NAALADL2: variants seen among roughly 807,000 people sequenced by gnomAD.
The protein encoded by NAALADL2 is N-acetylated alpha-linked acidic dipeptidase like 2, also known as inactive N-acetylated-alpha-linked acidic dipeptidase-like protein 2.
Under a neutral mutation model 87.2 loss-of-function variants are expected in NAALADL2, and 76 were observed. The observed-to-expected ratio is 0.87, with a 90% CI of 0.72 to 1.05. The LOEUF (loss-of-function observed/expected upper bound fraction) is 1.05. NAALADL2 is among the 50% of genes least tolerant of loss of function. The pLI is 0.00. For synonymous variants in NAALADL2, 354 were observed against 331.0 expected (o/e 1.07, Z -0.75); for missense variants, 1,089 against 945.8 (o/e 1.15, Z -1.99).
chr3:175,703,662 G>A (rs1365761052), intron 11 of NAALADL2, among the ~76,000 whole-genome samples: 1 of 152,140 alleles, frequency 6.6e-6, no homozygotes, highest in Non-Finnish European at 1.5e-5. Flanking sequence ...AGAATCGCTT[G>A]AACCTGGGAG....
In NAALADL2 at chr3:175,408,586, A is replaced by G. The variant is rs373207929; in HGVS notation, c.1091-38643A>G. Among the ~76,000 whole-genome samples, 19 of 152,170 alleles carry G rather than the reference A, an allele frequency of 1.2e-4. No homozygotes were observed. The East Asian group carries it at 1.7e-3, about 14-fold the overall frequency. On this transcript the variant is annotated intron_variant, in intron 5 of 13. Coordinates refer to ENST00000454872, the MANE Select transcript of NAALADL2 (RefSeq NM_207015.3). ...GCACCTGATAAAATTTCAAAAGAAT[A>G]AAGAAACTGAGATTGTATATAATGT...
intron 10 of NAALADL2, among the ~76,000 whole-genome samples, chr3:175,595,156 C>A (rs1722078221): frequency 6.6e-6 from 1 of 152,078 alleles, no homozygotes; most frequent in Non-Finnish European, 1.5e-5. Context: ...ATGAATCTAT[C>A]TTAAGTAAAT....
At chr3:175,707,634 T>G (rs1026563770) in intron 11 of NAALADL2, among the ~76,000 whole-genome samples, 4 of 152,134 alleles carry the variant, frequency 2.6e-5, no homozygotes, top group Non-Finnish European at 5.9e-5. Flanking sequence ...AATCTCAATT[T>G]CTTTATATGT....
chr3:175,562,935 T>C (rs1716502972), intron 9 of NAALADL2, among the ~76,000 whole-genome samples: 1 of 139,104 alleles, frequency 7.2e-6, no homozygotes, highest in African/African-American at 2.5e-5. Flanking sequence ...TAGAAAGGAT[T>C]GTCAAAAATA....
chr3:175,634,996 G>A (rs1037349553), intron 11 of NAALADL2, among the ~76,000 whole-genome samples: 3 of 151,998 alleles, frequency 2.0e-5, no homozygotes, highest in African/African-American at 7.2e-5. Context: ...GCTACTCAAG[G>A]GAGATAGTAG....
intron 5 of NAALADL2, among the ~76,000 whole-genome samples, chr3:175,368,047 T>A (rs1048831660): frequency 4.6e-4 from 70 of 152,290 alleles, no homozygotes; most frequent in African/African-American, 1.6e-3. Flanking sequence ...CCTAATTTAT[T>A]GAGAGTTTTT....
At chr3:175,058,331 T>A (rs2109062055) in intron 1 of NAALADL2, among the ~76,000 whole-genome samples, 1 of 152,348 alleles carries the variant, frequency 6.6e-6, no homozygotes, top group Non-Finnish European at 1.5e-5. Flanking sequence ...TTAAGTCATT[T>A]AATTTATTAA....
intron 2 of NAALADL2, among the ~76,000 whole-genome samples, chr3:175,208,616 A>G (rs142857002): frequency 6.6e-6 from 1 of 152,174 alleles, no homozygotes; most frequent in African/African-American, 2.4e-5. Flanking sequence ...CGTTGAATAT[A>G]ATGCTTCTGT....
intron 2 of NAALADL2, among the ~76,000 whole-genome samples, chr3:175,137,319 G>T (rs1250767384): frequency 1.3e-5 from 2 of 151,900 alleles, no homozygotes; most frequent in African/African-American, 4.8e-5. Flanking sequence ...ATTTTAACCA[G>T]TTTATTTAAC....
At chr3:175,065,945 T>C (rs987189098) in intron 1 of NAALADL2, among the ~76,000 whole-genome samples, 5 of 152,202 alleles carry the variant, frequency 3.3e-5, no homozygotes, top group African/African-American at 1.2e-4. Flanking sequence ...CACATAACGG[T>C]ATTCGGTCTT....
intron 2 of NAALADL2, among the ~76,000 whole-genome samples, chr3:175,162,984 C>T (rs1463300773): frequency 6.6e-6 from 1 of 152,050 alleles, no homozygotes; most frequent in African/African-American, 2.4e-5. Context: ...TAGCCTGGAA[C>T]TAATCATTTC....
chr3:175,491,872 T>G (rs7612257), intron 9 of NAALADL2, among the ~76,000 whole-genome samples: 15,599 of 152,188 alleles, frequency 0.1, 1,007 homozygotes, highest in African/African-American at 0.17. Flanking sequence ...GAAAAAAGAC[T>G]GAGAATCACC....
chr3:175,130,524 G>A (rs1248952893), intron 2 of NAALADL2, among the ~76,000 whole-genome samples: 1 of 152,172 alleles, frequency 6.6e-6, no homozygotes, highest in Non-Finnish European at 1.5e-5. Flanking sequence ...TTGGTACGTG[G>A]TGTAAGACAA....
chr3:174,950,261 G>A (rs1035663006), intron 1 of NAALADL2, among the ~76,000 whole-genome samples: 4 of 151,878 alleles, frequency 2.6e-5, no homozygotes, highest in African/African-American at 9.7e-5. Context: ...TGAATTGAGA[G>A]TAGGGAGTAG....
chr3:174,720,144 T>A lies in NAALADL2; in HGVS notation c.-114-17497T>A, dbSNP rs553698562. Among the ~76,000 whole-genome samples, 9 of 152,258 alleles carry A rather than the reference T, an allele frequency of 5.9e-5. No individual in the cohort carries two copies. In the East Asian group the frequency reaches 1.7e-3, roughly 29 times the overall value. On this transcript the variant is annotated intron_variant, in intron 2 of 3. Transcript: ENST00000434257. Reference sequence around the variant, plus strand: ...AAATATCAAGAAATAATTTGCTTTATGAAAGACAATCCAGTTTTTATTTTA... The same window carrying A: ...AAATATCAAGAAATAATTTGCTTTAAGAAAGACAATCCAGTTTTTATTTTA...
intron 1 of NAALADL2, among the ~76,000 whole-genome samples, chr3:174,493,934 G>C (rs1224764651): frequency 6.6e-6 from 1 of 152,200 alleles, no homozygotes; most frequent in Non-Finnish European, 1.5e-5. Context: ...CGAACAAGGT[G>C]TGCCGGATTA....
At chr3:174,576,896 T>C (rs1160149827) in intron 2 of NAALADL2, among the ~76,000 whole-genome samples, 1 of 152,198 alleles carries the variant, frequency 6.6e-6, no homozygotes, top group Non-Finnish European at 1.5e-5. Context: ...CATTATACAC[T>C]TCTTAATCTG....
rs1581896401 is a variant in NAALADL2 at position 175,439,949 on chromosome 3, G to T, written c.1091-7280G>T. ...CATTTGCTTTTGGGTTCTAGGTCAT[G>T]AAGTCTTTGCCTAAGCCAGTGTCTA... On this transcript the variant is annotated intron_variant, in intron 5 of 13. Transcript: ENST00000454872. Among the ~76,000 whole-genome samples, 5 of 152,164 alleles carry T rather than the reference G, an allele frequency of 3.3e-5. No homozygotes were observed. The South Asian group carries it at 1.0e-3, about 32-fold the overall frequency.
intron 13 of NAALADL2, 99 bp downstream of exon 13, chr3:175,755,517 A>T: frequency 1.2e-6 from 1 of 815,976 alleles, no homozygotes. Context: ...ACAGTAGTGT[A>T]AAAGAAATTA....
Sources: allele counts gnomAD v4.1 joint callset (sites outside exome capture counted in the v4.1 genomes callset), GRCh38; gene constraint gnomAD v4.1.1; transcripts MANE v1.5; gene names NCBI Gene and HGNC (gene_info 2026-07-23, HGNC 2026-07-21).